Variants in ATAD1 observed in about 807,000 individuals in gnomAD.
ATAD1 encodes ATPase family AAA domain containing 1.
A neutral mutation model predicts 42.7 loss-of-function variants in ATAD1; 18 were observed. The observed-to-expected ratio is 0.42, with a 90% CI of 0.29 to 0.63. The LOEUF is 0.63. Among genes scored for constraint, ATAD1 ranks in the 20% least tolerant of loss-of-function variants. The probability of loss-of-function intolerance (pLI) is 0.19; values close to 1 mark genes in which losing one functional copy is unlikely to be tolerated. For synonymous variants in ATAD1, 132 were observed against 143.1 expected (o/e 0.92, Z 0.55); for missense variants, 294 against 440.4 (o/e 0.67, Z 2.98).
intron 2 of ATAD1, among the ~76,000 whole-genome samples, chr10:87,801,103 A>G (rs1856670990): frequency 1.3e-5 from 2 of 152,168 alleles, no homozygotes; most frequent in Non-Finnish European, 2.9e-5. Flanking sequence ...AAAATTTTGG[A>G]GACTGTTTAT....
Position 87,754,820 on chromosome 10 carries a change from CA to C in ATAD1, c.966-14del, listed in dbSNP as rs766911325. ...ATCTTCGTCATGGCTAAAATGCAAA[CA>C]AAACCATCAAATACTCAAATAACTT... On this transcript the variant is annotated splice_polypyrimidine_tract_variant and intron_variant, in intron 9 of 9. Coordinates refer to ENST00000680024, the MANE Select transcript of ATAD1 (RefSeq NM_001321967.2). 21 of 1,607,494 alleles carry C rather than the reference CA, an allele frequency of 1.3e-5. No homozygotes were observed. The highest frequency in any genetic ancestry group is 1.7e-5 in the Non-Finnish European group (20 of 1,175,798).
intron 1 of ATAD1, among the ~76,000 whole-genome samples, chr10:87,830,508 T>TC (rs1323586959): frequency 3.9e-5 from 6 of 152,144 alleles, no homozygotes; most frequent in Non-Finnish European, 8.8e-5. Flanking sequence ...CATGTTTTTT[T>TC]CCCCCCTGTC....
chr10:87,820,950 A>AAT (rs994995288), upstream of ATAD1, among the ~76,000 whole-genome samples: 5 of 152,198 alleles, frequency 3.3e-5, no homozygotes, highest in South Asian at 2.1e-4. Context: ...TAAATAATTC[A>AAT]ATATATATAA....
At chr10:87,772,468 C>T (rs1053496355) in intron 6 of ATAD1, among the ~76,000 whole-genome samples, 1 of 151,870 alleles carries the variant, frequency 6.6e-6, no homozygotes, top group Non-Finnish European at 1.5e-5. Context: ...AAATTTCTTC[C>T]AAATTTAAAA....
chr10:87,840,895 T>C (rs7085552), intron 1 of ATAD1, among the ~76,000 whole-genome samples: 1,903 of 152,298 alleles, frequency 0.012, 40 homozygotes, highest in African/African-American at 0.043. Context: ...CTATATTATA[T>C]CCAGCTGATA....
chr10:87,838,854 C>T (rs370230200), intron 1 of ATAD1, among the ~76,000 whole-genome samples: 67 of 152,200 alleles, frequency 4.4e-4, no homozygotes, highest in African/African-American at 1.6e-3. Context: ...TGATTCGGGA[C>T]TTCCCAGCCT....
upstream of ATAD1, among the ~76,000 whole-genome samples, chr10:87,822,051 C>T (rs1857641645): frequency 2.6e-5 from 4 of 152,248 alleles, no homozygotes; most frequent in South Asian, 6.2e-4. Context: ...CAGGATAGAA[C>T]GCCTTTGGAA....
intron 1 of ATAD1, 167 bp downstream of exon 1, chr10:87,818,000 T>C (rs1466107468): frequency 5.7e-5 from 56 of 985,700 alleles, no homozygotes; most frequent in Non-Finnish European, 6.5e-5. Context: ...GTTAATCCTC[T>C]AGATACTAAG....
intron 2 of ATAD1, among the ~76,000 whole-genome samples, chr10:87,807,123 TTATC>T (rs1856961312): frequency 6.6e-6 from 1 of 152,216 alleles, no homozygotes; most frequent in Admixed American, 6.5e-5. Context: ...TTTCTCTTGT[TTATC>T]TATCTTTTGT....
intron 2 of ATAD1, among the ~76,000 whole-genome samples, chr10:87,796,035 C>G (rs1219263030): frequency 6.6e-6 from 1 of 152,090 alleles, no homozygotes; most frequent in Non-Finnish European, 1.5e-5. Context: ...TAAAAGGGAA[C>G]TAACAAGGAT....
At chr10:87,756,002 T>C (rs770835891) in intron 9 of ATAD1, among the ~76,000 whole-genome samples, 3 of 152,176 alleles carry the variant, frequency 2.0e-5, no homozygotes, top group Non-Finnish European at 2.9e-5. Flanking sequence ...ACAGAGTAGC[T>C]TTCATGCAGA....
In ATAD1 at chr10:87,752,212, G is replaced by GAGAC. The variant is rs1854045606; in HGVS notation, c.*2471_*2474dup. ...TACAAAAAAGGCCTGAGAATAGCTT[G>GAGAC]AGACACATCAGACTTATCAAAAGTC... On this transcript the variant is annotated 3_prime_UTR_variant, in exon 10 of 10. Transcript: ENST00000680024. 2 of 152,114 alleles carry GAGAC rather than the reference G, an allele frequency of 1.3e-5. No individual in the cohort carries two copies. The highest frequency in any genetic ancestry group is 1.3e-4 in the Admixed American group (2 of 15,264). The allele number at this position is 152,114 out of a possible 1,614,324, so 9.4% of individuals were successfully genotyped here. A position where few individuals can be genotyped will look rare whatever the true frequency, so the allele number is the denominator to read the frequency against.
chr10:87,804,314 A>G (rs940512955), intron 2 of ATAD1, among the ~76,000 whole-genome samples: 4 of 152,210 alleles, frequency 2.6e-5, no homozygotes, highest in African/African-American at 9.7e-5. Context: ...CTCGTGTATG[A>G]AATCTTTCCT....
chr10:87,833,860 GACTACAGTCAT>G (rs1857882065), intron 1 of ATAD1, among the ~76,000 whole-genome samples: 1 of 151,562 alleles, frequency 6.6e-6, no homozygotes, highest in Admixed American at 6.6e-5. Context: ...GAGTAGCTGG[GACTACAGTCAT>G]GTGCCACCAC....
intron 2 of ATAD1, among the ~76,000 whole-genome samples, chr10:87,813,638 T>C (rs1368142710): frequency 6.6e-6 from 1 of 152,052 alleles, no homozygotes. Flanking sequence ...TTATTCATCT[T>C]TTTTCTTTGG....
chr10:87,780,951 G>C (rs544562664), intron 5 of ATAD1, among the ~76,000 whole-genome samples: 216 of 152,216 alleles, frequency 1.4e-3, no homozygotes, highest in African/African-American at 5.1e-3. Context: ...AAAAAACTAG[G>C]ACCATGGGGA....
chr10:87,821,674 A>C (rs1326370258), upstream of ATAD1, among the ~76,000 whole-genome samples: 1 of 152,226 alleles, frequency 6.6e-6, no homozygotes, highest in Non-Finnish European at 1.5e-5. Context: ...TGCATTTTAC[A>C]GTAAGCATCT....
intron 8 of ATAD1, among the ~76,000 whole-genome samples, chr10:87,758,928 G>C (rs11202543): frequency 6.6e-6 from 1 of 152,016 alleles, no homozygotes; most frequent in Non-Finnish European, 1.5e-5. Context: ...TCTTAGGACC[G>C]GTGACAGCAC....
intron 6 of ATAD1, among the ~76,000 whole-genome samples, chr10:87,772,904 C>T (rs1209541042): frequency 2.0e-5 from 3 of 152,026 alleles, no homozygotes; most frequent in Non-Finnish European, 4.4e-5. Flanking sequence ...TTTTTTACTA[C>T]TTAAGAAACA....
Sources: allele counts gnomAD v4.1 joint callset (sites outside exome capture counted in the v4.1 genomes callset), GRCh38; gene constraint gnomAD v4.1.1; transcripts MANE v1.5; gene names NCBI Gene and HGNC (gene_info 2026-07-23, HGNC 2026-07-21).